SOX13: variants seen among roughly 807,000 people sequenced by gnomAD.
SOX13 encodes the protein transcription factor SOX-13.
Under a neutral mutation model 71.8 loss-of-function variants are expected in SOX13, and 28 were observed. The ratio of observed to expected loss-of-function variants is 0.39; its 90% confidence interval spans 0.29 to 0.53. SOX13 has a LOEUF of 0.53. Among genes scored for constraint, SOX13 ranks in the 20% least tolerant of loss-of-function variants. The pLI is 0.70. For missense variants in SOX13, 627 were observed against 810.3 expected (o/e 0.77, Z 2.75); for synonymous variants, 309 against 317.8 (o/e 0.97, Z 0.29).
At position 204,122,113 on chromosome 1, in the gene SOX13, C is replaced by T. The variant is rs564849612; in HGVS notation, c.862-124C>T. 47 of 1,054,088 alleles carry T rather than the reference C, an allele frequency of 4.5e-5. 1 individual carries two copies. The Middle Eastern group carries it at 6.2e-4, about 14-fold the overall frequency. 65.3% of individuals were successfully genotyped at this position (1,054,088 alleles called of 1,614,324 possible). On this transcript the variant is annotated intron_variant, in intron 8 of 13. Transcript: ENST00000367204. ...CTGTGTTCTTGTTCACCCGCTCCTT[C>T]TGCGTCCACTTTTCTGTCTGTCTCC...
In SOX13 at chr1:204,123,516, C is replaced by T; in HGVS notation, c.1232-145C>T. 1.2e-6 allele frequency: 1 copy of T among 828,014 alleles called. No individual in the cohort carries two copies. Among genetic ancestry groups the T allele is most frequent in the Non-Finnish European group, 1.9e-6 (1 of 539,056 alleles). The allele number at this position is 828,014 out of a possible 1,614,324, so 51.3% of individuals were successfully genotyped here. ...TGCTGTTTCTTCTGCCCCATCTGCT[C>T]CTGCCTTGCTCCTCCTCGGCTGGCT... On this transcript the variant is annotated intron_variant, in intron 11 of 13. Transcript: ENST00000367204. This position sits in a 1 kb window ranked among gnomAD's most constrained non-coding sequence, Gnocchi z 5.0.
In SOX13 at chr1:204,123,044, G is replaced by C; in HGVS notation, c.1135-68G>C. Reference sequence around the variant, plus strand: ...GGAAGACACAGTCTGAGGCCACCAAGAGAGGAGCATGGGGAGGAGTGGGGT... The same window carrying C: ...GGAAGACACAGTCTGAGGCCACCAACAGAGGAGCATGGGGAGGAGTGGGGT... On this transcript the variant is annotated intron_variant, in intron 10 of 13. Transcript: ENST00000367204. The surrounding 1 kb of genome is among the most constrained non-coding windows in gnomAD (Gnocchi z 5.0). 6.6e-7 allele frequency: 1 copy of C among 1,523,942 alleles called. No individual in the cohort carries two copies. Among genetic ancestry groups the C allele is most frequent in the Non-Finnish European group, 9.1e-7 (1 of 1,100,966 alleles). The allele number at this position is 1,523,942 out of a possible 1,614,324, so 94.4% of individuals were successfully genotyped here. A position where few individuals can be genotyped will look rare whatever the true frequency, so the allele number is the denominator to read the frequency against.
chr1:204,096,647 C>T (rs780161119), intron 1 of SOX13, among the ~76,000 whole-genome samples: 2 of 151,788 alleles, frequency 1.3e-5, no homozygotes, highest in Non-Finnish European at 2.9e-5. Context: ...GAACTCCTGA[C>T]CTTGTGATCC....
rs374609756 is a variant in SOX13 at position 204,126,110 on chromosome 1, G to A, written c.1845G>A (p.Gly615=). The change falls in exon 14 of 14, where the codon GGG becomes GGA. Residue 615 remains glycine (G), a synonymous_variant. Coordinates refer to ENST00000367204, the MANE Select transcript of SOX13 (RefSeq NM_005686.3). ...EDSEGEEKSD[G]ELVVLTD ...CGGAGGGCGAAGAGAAGAGCGATGGGGAGTTGGTGGTGCTCACAGACTGAT... is the reference window on the plus strand; with the variant it reads ...CGGAGGGCGAAGAGAAGAGCGATGGAGAGTTGGTGGTGCTCACAGACTGAT... 6.2e-7 allele frequency: 1 copy of A among 1,613,922 alleles called. No individual in the cohort carries two copies.
chr1:204,080,054 C>T (rs1484725106), intron 1 of SOX13, among the ~76,000 whole-genome samples: 2 of 151,904 alleles, frequency 1.3e-5, no homozygotes, highest in African/African-American at 4.8e-5. Flanking sequence ...TTTGGGGGAG[C>T]GGAATTTGTG....
chr1:204,113,178 T>G, intron 2 of SOX13, 44 bp downstream of exon 2: 22 of 1,401,834 alleles, frequency 1.6e-5, no homozygotes, highest in Middle Eastern at 2.5e-4. Flanking sequence ...CCATGCGCTG[T>G]ACCTGGGCTC....
chr1:204,082,946 C>A (rs1655939244), intron 1 of SOX13, among the ~76,000 whole-genome samples: 1 of 152,206 alleles, frequency 6.6e-6, no homozygotes, highest in African/African-American at 2.4e-5. Flanking sequence ...TACAACTGTA[C>A]ACGATAGCCT....
chr1:204,126,434 T>G lies in SOX13; in HGVS notation c.*300T>G. The G allele has an allele frequency of 2.4e-6, 1 of 415,002 alleles. No homozygotes were observed. 25.7% of individuals were successfully genotyped at this position (415,002 alleles called of 1,614,324 possible). ...ATGACTCTCCTCTCCTGCAGGTGTC[T>G]ATCCACCTGGGGTATGGCATCTACC... On this transcript the variant is annotated 3_prime_UTR_variant, in exon 14 of 14. Coordinates refer to ENST00000367204, the MANE Select transcript of SOX13 (RefSeq NM_005686.3).
chr1:204,098,786 G>A (rs997843558), intron 1 of SOX13, among the ~76,000 whole-genome samples: 2 of 152,166 alleles, frequency 1.3e-5, no homozygotes, highest in Non-Finnish European at 2.9e-5. Context: ...TGCTGCCTTT[G>A]TTCATGAGAA....
chr1:204,124,738 C>T lies in SOX13; in HGVS notation c.1473C>T (p.Tyr491=), dbSNP rs1470761935. ...AGCACCTGGAGAAGTATCCTGACTACAAGTACAAGCCGCGGCCCAAGCGCA... is the reference window on the plus strand; with the variant it reads ...AGCACCTGGAGAAGTATCCTGACTATAAGTACAAGCCGCGGCCCAAGCGCA... ...SRQHLEKYPD[Y]KYKPRPKRTC... The change falls in exon 13 of 14, where the codon TAC becomes TAT. Residue 491 remains tyrosine (Y), a synonymous_variant. Coordinates refer to ENST00000367204, the MANE Select transcript of SOX13 (RefSeq NM_005686.3). The T allele has an allele frequency of 1.2e-6, 2 of 1,612,100 alleles. No homozygotes were observed. The highest frequency in any genetic ancestry group is 4.5e-5 in the East Asian group (2 of 44,810).
chr1:204,107,936 A>G (rs1571583511), intron 1 of SOX13, among the ~76,000 whole-genome samples: 1 of 152,184 alleles, frequency 6.6e-6, no homozygotes, highest in South Asian at 2.1e-4. Flanking sequence ...GCTGGTCACC[A>G]GGAGCCATTG....
At chr1:204,080,638 G>A (rs957672176) in intron 1 of SOX13, among the ~76,000 whole-genome samples, 4 of 151,818 alleles carry the variant, frequency 2.6e-5, no homozygotes, top group South Asian at 2.1e-4. Flanking sequence ...CCTTGGTCCC[G>A]CCCCTCCCAT....
At position 204,122,376 on chromosome 1, in the gene SOX13, C is replaced by T. The variant is rs868692790; in HGVS notation, c.1001C>T (p.Ser334Phe). 1.9e-6 allele frequency: 3 copies of T among 1,562,640 alleles called. No homozygotes were observed. Among genetic ancestry groups the T allele is most frequent in the Non-Finnish European group, 2.6e-6 (3 of 1,153,966 alleles). Residue 334 changes from serine (S) to phenylalanine (F), a missense_variant, in exon 9 of 14, where the codon TCC becomes TTC. Ser to Phe is a radical substitution (Grantham distance 155). Coordinates refer to ENST00000367204, the MANE Select transcript of SOX13 (RefSeq NM_005686.3). ...SHGGPTRDLQ[S>F]SPPSLPLGFL... ...GGAGGCCCCACGCGGGACCTGCAGTCCAGCCCCCCGAGCCTGCCTCTGGGT... is the reference window on the plus strand; with the variant it reads ...GGAGGCCCCACGCGGGACCTGCAGTTCAGCCCCCCGAGCCTGCCTCTGGGT...
intron 1 of SOX13, among the ~76,000 whole-genome samples, chr1:204,109,834 A>G (rs1041182843): frequency 6.6e-6 from 1 of 151,698 alleles, no homozygotes; most frequent in Non-Finnish European, 1.5e-5. Context: ...TATTATCATT[A>G]TTATTATTTT....
chr1:204,096,074 T>C (rs1273753466), intron 1 of SOX13, among the ~76,000 whole-genome samples: 2 of 152,194 alleles, frequency 1.3e-5, no homozygotes, highest in East Asian at 1.9e-4. Flanking sequence ...CATCCATTGA[T>C]GGACACTTGA....
chr1:204,087,215 C>T (rs1454076794), intron 1 of SOX13, among the ~76,000 whole-genome samples: 5 of 152,256 alleles, frequency 3.3e-5, no homozygotes, highest in Non-Finnish European at 7.3e-5. Flanking sequence ...AGCCACCGCG[C>T]CCAGCTTTTC....
intron 1 of SOX13, among the ~76,000 whole-genome samples, chr1:204,090,637 C>T (rs1021697962): frequency 1.3e-5 from 2 of 152,082 alleles, no homozygotes; most frequent in Non-Finnish European, 2.9e-5. Flanking sequence ...TCTTGAACTC[C>T]TGGCCTCAAG....
Position 204,123,944 on chromosome 1 carries a change from G to A in SOX13, c.1375+140G>A, listed in dbSNP as rs1309001593. 13 of 919,626 alleles carry A rather than the reference G, an allele frequency of 1.4e-5. No individual in the cohort carries two copies. In the East Asian group the frequency reaches 2.9e-4, roughly 21 times the overall value. 57.0% of individuals were successfully genotyped at this position (919,626 alleles called of 1,614,324 possible). ...TGACGACAGGGGTGCAGGAGTTGCTGGGGATGTGAGGGCAGCTGGGTCCTG... is the reference window on the plus strand; with the variant it reads ...TGACGACAGGGGTGCAGGAGTTGCTAGGGATGTGAGGGCAGCTGGGTCCTG... On this transcript the variant is annotated intron_variant, in intron 12 of 13. Coordinates refer to ENST00000367204, the MANE Select transcript of SOX13 (RefSeq NM_005686.3). The surrounding 1 kb of genome is among the most constrained non-coding windows in gnomAD (Gnocchi z 5.0).
At chr1:204,125,128 G>A (rs1656894684) in intron 13 of SOX13, among the ~76,000 whole-genome samples, 1 of 152,168 alleles carries the variant, frequency 6.6e-6, no homozygotes, top group South Asian at 2.1e-4. Flanking sequence ...GAAAGTGCCT[G>A]TAGATCCCAC....
Sources: allele counts gnomAD v4.1 joint callset (sites outside exome capture counted in the v4.1 genomes callset), GRCh38; gene constraint gnomAD v4.1.1; non-coding constraint Gnocchi (gnomAD v3.1); transcripts MANE v1.5; gene names NCBI Gene and HGNC (gene_info 2026-07-23, HGNC 2026-07-21).